The following CCDC93 variants were observed in gnomAD, a reference collection of about 807,000 sequenced individuals.
The protein encoded by CCDC93 is CCC complex scaffolding subunit CCDC93.
CCDC93 carries 61 observed loss-of-function variants against 108.2 expected under a neutral mutation model. That is an observed-to-expected ratio of 0.56 (90% CI 0.46 to 0.70). The LOEUF is 0.70. Among genes scored for constraint, CCDC93 ranks in the 30% least tolerant of loss-of-function variants. The probability of loss-of-function intolerance (pLI) is 0.00; values close to 1 mark genes in which losing one functional copy is unlikely to be tolerated. For synonymous variants in CCDC93, 276 were observed against 260.4 expected (o/e 1.06, Z -0.58); for missense variants, 685 against 764.2 (o/e 0.90, Z 1.22).
intron 23 of CCDC93, among the ~76,000 whole-genome samples, chr2:117,925,881 C>T (rs1292811039): frequency 1.3e-5 from 2 of 152,202 alleles, no homozygotes; most frequent in Non-Finnish European, 1.5e-5. Context: ...AAGCACTCCT[C>T]AGCAAATGTA....
rs141931602 is a variant in CCDC93, at chr2:117,915,779, T to C, written c.*4564A>G. The C allele has an allele frequency of 6.6e-6, 1 of 152,080 alleles. No individual in the cohort carries two copies. Among genetic ancestry groups the C allele is most frequent in the African/African-American group, 2.4e-5 (1 of 41,492 alleles). The allele number at this position is 152,080 out of a possible 1,614,324, so 9.4% of individuals were successfully genotyped here. A position where few individuals can be genotyped will look rare whatever the true frequency, so the allele number is the denominator to read the frequency against. ...ACGTGTATACGTCTGTGTGAAAACA[T>C]ATGCACACACATACATCTACACACT... On this transcript the variant is annotated 3_prime_UTR_variant, in exon 24 of 24. Coordinates refer to ENST00000376300, the MANE Select transcript of CCDC93 (RefSeq NM_019044.5).
Position 117,948,292 on chromosome 2 carries a change from C to T in CCDC93, c.1143-106G>A, listed in dbSNP as rs576338890. 5.5e-6 allele frequency: 4 copies of T among 731,658 alleles called. No homozygotes were observed. The African/African-American group carries it at 7.0e-5, about 13-fold the overall frequency. 45.3% of individuals were successfully genotyped at this position (731,658 alleles called of 1,614,324 possible). A position where few individuals can be genotyped will look rare whatever the true frequency, so the allele number is the denominator to read the frequency against. On this transcript the variant is annotated intron_variant, in intron 14 of 23. Transcript: ENST00000376300. The stretch of plus-strand genomic sequence containing the variant: ...AAAAAAGGACTCTCCTTTTAATTTC[C>T]TTTCTCAGCTCTAAGAGTGTCTCAC...
intron 23 of CCDC93, among the ~76,000 whole-genome samples, chr2:117,927,596 G>C (rs534606024): frequency 3.3e-5 from 5 of 152,042 alleles, no homozygotes; most frequent in African/African-American, 1.2e-4. Context: ...ACCACTGCTC[G>C]ATGAAATAAA....
At chr2:117,994,186 T>C (rs1370837278) in intron 6 of CCDC93, among the ~76,000 whole-genome samples, 1 of 148,446 alleles carries the variant, frequency 6.7e-6, no homozygotes, top group African/African-American at 2.5e-5. Context: ...TGCTTCCGTG[T>C]TGTGAAATTA....
chr2:117,943,975 A>G (rs745381020), intron 18 of CCDC93, 49 bp downstream of exon 18: 3 of 1,284,764 alleles, frequency 2.3e-6, no homozygotes, highest in East Asian at 4.7e-5. Context: ...TAGGACATTT[A>G]TACCTAGTTA....
intron 12 of CCDC93, among the ~76,000 whole-genome samples, chr2:117,953,020 C>G (rs1277540246): frequency 6.6e-6 from 1 of 152,218 alleles, no homozygotes. Context: ...AGTCAATTCC[C>G]TTTCTCTTGC....
intron 23 of CCDC93, among the ~76,000 whole-genome samples, chr2:117,925,248 C>G (rs1264750325): frequency 6.6e-6 from 1 of 152,266 alleles, no homozygotes; most frequent in East Asian, 1.9e-4. Context: ...ATCATAATGA[C>G]AGGATCAAAT....
At position 118,001,031 on chromosome 2, in the gene CCDC93, T is replaced by C; in HGVS notation, c.252-99A>G. The C allele has an allele frequency of 2.8e-6, 2 of 718,794 alleles. 1 individual carries two copies. The highest frequency in any genetic ancestry group is 3.1e-5 in the South Asian group (2 of 63,968). 44.5% of individuals were successfully genotyped at this position (718,794 alleles called of 1,614,324 possible). Reference sequence around the variant, plus strand: ...GCATCACAGACGGATCTGGGACTTCTCCATGCCAGGCTAGTCCAGACCATG... The same window carrying C: ...GCATCACAGACGGATCTGGGACTTCCCCATGCCAGGCTAGTCCAGACCATG... On this transcript the variant is annotated intron_variant, in intron 3 of 23. Coordinates refer to ENST00000376300, the MANE Select transcript of CCDC93 (RefSeq NM_019044.5).
In CCDC93 at chr2:117,958,981, T is replaced by C. The variant is rs1256247014; in HGVS notation, c.889-500A>G. Among the ~76,000 whole-genome samples the C allele has an allele frequency of 3.3e-5, 5 of 152,330 alleles. No homozygotes were observed. The East Asian group carries it at 9.6e-4, about 29-fold the overall frequency. ...CTCCAATTTAATCATTTCCTATTTCTGATGTTCTGGAGTTAACAGGGGATT... is the reference window on the plus strand; with the variant it reads ...CTCCAATTTAATCATTTCCTATTTCCGATGTTCTGGAGTTAACAGGGGATT... On this transcript the variant is annotated intron_variant, in intron 11 of 23. Coordinates refer to ENST00000376300, the MANE Select transcript of CCDC93 (RefSeq NM_019044.5).
intron 11 of CCDC93, among the ~76,000 whole-genome samples, chr2:117,963,799 A>T (rs1205224387): frequency 6.6e-6 from 1 of 152,202 alleles, no homozygotes; most frequent in African/African-American, 2.4e-5. Context: ...GAAATTCAAC[A>T]GTTTTTTCAT....
chr2:117,922,644 T>C (rs527890527), intron 23 of CCDC93, among the ~76,000 whole-genome samples: 5 of 152,146 alleles, frequency 3.3e-5, no homozygotes, highest in Non-Finnish European at 5.9e-5. Context: ...AATGTTGTGT[T>C]TTCCATGAAG....
At chr2:117,946,541 A>G (rs1195181887) in intron 16 of CCDC93, among the ~76,000 whole-genome samples, 3 of 152,204 alleles carry the variant, frequency 2.0e-5, no homozygotes, top group Non-Finnish European at 4.4e-5. Flanking sequence ...TTTTCCCAGA[A>G]ACATCTCCCT....
At chr2:117,981,074 C>A (rs2104792497) in intron 7 of CCDC93, among the ~76,000 whole-genome samples, 1 of 152,238 alleles carries the variant, frequency 6.6e-6, no homozygotes, top group African/African-American at 2.4e-5. Flanking sequence ...TATGAGTAAG[C>A]CACATTTTGT....
intron 23 of CCDC93, 74 bp downstream of exon 23, chr2:117,930,963 T>G (rs1678304993): frequency 2.0e-6 from 2 of 992,828 alleles, no homozygotes; most frequent in Non-Finnish European, 3.0e-6. Flanking sequence ...AAAACTGCTG[T>G]TTTTTAGTGG....
intron 16 of CCDC93, among the ~76,000 whole-genome samples, 158 bp from the exon 17 acceptor site, chr2:117,945,740 G>C (rs1678850617): frequency 6.6e-6 from 1 of 152,158 alleles, no homozygotes; most frequent in South Asian, 2.1e-4. Flanking sequence ...AGCAGAAAGG[G>C]AACTGCCCTT....
At chr2:117,986,230 T>C (rs1440855060) in intron 6 of CCDC93, among the ~76,000 whole-genome samples, 161 bp from the exon 7 acceptor site, 1 of 147,462 alleles carries the variant, frequency 6.8e-6, no homozygotes, top group Non-Finnish European at 1.5e-5. Flanking sequence ...AGTGGCGCGA[T>C]CTCGGCTCAC....
intron 15 of CCDC93, among the ~76,000 whole-genome samples, chr2:117,947,242 G>A (rs1014070212): frequency 6.6e-6 from 1 of 152,168 alleles, no homozygotes; most frequent in Non-Finnish European, 1.5e-5. Flanking sequence ...CCAGCCTGGA[G>A]CTCTGCCTCA....
chr2:117,940,932 C>T (rs1052628326), intron 19 of CCDC93, among the ~76,000 whole-genome samples: 1 of 152,200 alleles, frequency 6.6e-6, no homozygotes, highest in African/African-American at 2.4e-5. Flanking sequence ...GGCTGTGTGG[C>T]TGACCAGGAT....
intron 11 of CCDC93, among the ~76,000 whole-genome samples, chr2:117,966,233 C>A (rs1679567685): frequency 6.6e-6 from 1 of 152,220 alleles, no homozygotes; most frequent in South Asian, 2.1e-4. Context: ...CTCCTGGCAA[C>A]AATGGGCCTG....
Sources: allele counts gnomAD v4.1 joint callset (sites outside exome capture counted in the v4.1 genomes callset), GRCh38; gene constraint gnomAD v4.1.1; transcripts MANE v1.5; gene names NCBI Gene and HGNC (gene_info 2026-07-23, HGNC 2026-07-21).